GRIP1: variants seen among roughly 807,000 people sequenced by gnomAD.
GRIP1 encodes the protein glutamate receptor interacting protein 1.
GRIP1 carries 45 observed loss-of-function variants against 129.9 expected under a neutral mutation model. The ratio of observed to expected loss-of-function variants is 0.35; its 90% CI spans 0.27 to 0.44. The LOEUF is 0.44. Ranked by LOEUF, GRIP1 falls within the 20% of genes least tolerant of loss-of-function variation. GRIP1 has a pLI of 1.00. For missense variants in GRIP1, 1,196 were observed against 1,396.8 expected (o/e 0.86, Z 2.29); for synonymous variants, 530 against 520.8 (o/e 1.02, Z -0.24).
intron 1 of GRIP1, among the ~76,000 whole-genome samples, chr12:66,635,955 C>A (rs1371134941): frequency 1.3e-5 from 2 of 152,038 alleles, no homozygotes; most frequent in Non-Finnish European, 2.9e-5. Context: ...ATTTGTACAC[C>A]CGTGTTCATA....
intron 14 of GRIP1, among the ~76,000 whole-genome samples, chr12:66,430,859 T>C (rs2058126849): frequency 6.6e-6 from 1 of 152,296 alleles, no homozygotes. Flanking sequence ...AGGAAGCATC[T>C]AGAAGGACAG....
chr12:66,416,619 C>T (rs1257981915), intron 15 of GRIP1, among the ~76,000 whole-genome samples: 1 of 152,074 alleles, frequency 6.6e-6, no homozygotes, highest in African/African-American at 2.4e-5. Flanking sequence ...ATTAGTGGCT[C>T]CTATGAGCAA....
intron 5 of GRIP1, among the ~76,000 whole-genome samples, chr12:66,528,134 GTTTT>G (rs59443918): frequency 1.0e-5 from 1 of 99,242 alleles, no homozygotes; most frequent in Non-Finnish European, 1.9e-5. Context: ...GAATTAGTAG[GTTTT>G]TTTTTTTTTT....
chr12:66,938,754 C>G (rs1038910256), intron 1 of GRIP1, among the ~76,000 whole-genome samples: 6 of 151,962 alleles, frequency 3.9e-5, no homozygotes, highest in Non-Finnish European at 8.8e-5. Context: ...GTCAGGAGAT[C>G]AAGACCATCC....
chr12:66,689,902 A>ATTAT (rs1280689474), intron 1 of GRIP1, among the ~76,000 whole-genome samples: 1 of 151,924 alleles, frequency 6.6e-6, no homozygotes, highest in Non-Finnish European at 1.5e-5. Context: ...TAATTTTAAA[A>ATTAT]TTATTTATTT....
intron 1 of GRIP1, among the ~76,000 whole-genome samples, chr12:66,664,970 A>G: frequency 6.6e-6 from 1 of 152,204 alleles, no homozygotes; most frequent in African/African-American, 2.4e-5. Flanking sequence ...AAACTTCTGA[A>G]AATACCAGAA....
rs1565751885 is a variant in GRIP1, at chr12:66,451,383, G to GGTTTTTTTTTTTTTTTTTTT, written c.1354+4025_1354+4026insAAAAAAAAAAAAAAAAAAAC. Among the ~76,000 whole-genome samples the GGTTTTTTTTTTTTTTTTTTT allele has an allele frequency of 4.7e-5, 2 of 42,650 alleles. 1 individual carries two copies. The allele number at this position is 42,650 out of a possible 152,430, so 28.0% of individuals were successfully genotyped here. ...CCCCAAAGATTTATTATTATAATCTGTTTTTTTTTTTTTTTTTTTTTTTTT... is the reference window on the plus strand; with the variant it reads ...CCCCAAAGATTTATTATTATAATCTGGTTTTTTTTTTTTTTTTTTTTTTTTTTTTTTTTTTTTTTTTTTTT... On this transcript the variant is annotated intron_variant, in intron 11 of 24. Transcript: ENST00000359742.
At chr12:66,511,021 C>G (rs1263912979) in intron 7 of GRIP1, among the ~76,000 whole-genome samples, 1 of 152,070 alleles carries the variant, frequency 6.6e-6, no homozygotes, top group Non-Finnish European at 1.5e-5. Context: ...GGCTGTGTCC[C>G]CATCCAAATC....
intron 11 of GRIP1, among the ~76,000 whole-genome samples, chr12:66,454,518 G>A (rs2138221055): frequency 6.6e-6 from 1 of 152,304 alleles, no homozygotes; most frequent in East Asian, 1.9e-4. Flanking sequence ...ATATGATCAT[G>A]ATAAGAGAGA....
At chr12:66,444,809 A>T (rs2058575236) in intron 12 of GRIP1, 80 bp from the exon 13 acceptor site, 1 of 1,439,608 alleles carries the variant, frequency 6.9e-7, no homozygotes, top group Non-Finnish European at 9.8e-7. Flanking sequence ...ACCTTGCTTG[A>T]TCCTTGCAAA....
rs370062580 is a variant in GRIP1 at position 66,802,119 on chromosome 12, T to C, written c.-420+1934A>G. On this transcript the variant is annotated intron_variant, in intron 1 of 4. Transcript: ENST00000538373. ...AGCCAAAAGATGCACTGAGAAGTCA[T>C]TGTATTATATGACTTATCTTCTTTA... Among the ~76,000 whole-genome samples, 12 of 152,192 alleles carry C rather than the reference T, an allele frequency of 7.9e-5. No homozygotes were observed. In the South Asian group the frequency reaches 1.0e-3, roughly 13 times the overall value.
intron 14 of GRIP1, among the ~76,000 whole-genome samples, chr12:66,430,669 G>A (rs986891972): frequency 2.0e-5 from 3 of 152,156 alleles, no homozygotes; most frequent in African/African-American, 7.2e-5. Context: ...GGTATTTTTA[G>A]ATGGATACTT....
chr12:66,453,492 C>A (rs1298237164), intron 11 of GRIP1, among the ~76,000 whole-genome samples: 1 of 152,172 alleles, frequency 6.6e-6, no homozygotes, highest in Non-Finnish European at 1.5e-5. Context: ...CCAAAATGTA[C>A]CCCTCGTTAA....
chr12:67,063,376 A>T (rs1272545105), intron 1 of GRIP1, among the ~76,000 whole-genome samples: 1 of 152,200 alleles, frequency 6.6e-6, no homozygotes, highest in African/African-American at 2.4e-5. Flanking sequence ...TACTTGAAGA[A>T]CACTAATTTT....
chr12:66,722,158 T>A (rs919109515), intron 1 of GRIP1, among the ~76,000 whole-genome samples: 5 of 152,210 alleles, frequency 3.3e-5, no homozygotes, highest in African/African-American at 1.2e-4. Context: ...GGTTAACTAT[T>A]TGGCGAAAGA....
chr12:66,539,544 G>A (rs1248722103), intron 3 of GRIP1, among the ~76,000 whole-genome samples: 1 of 67,668 alleles, frequency 1.5e-5, no homozygotes, highest in East Asian at 3.8e-4. Context: ...ATCAAGAGAA[G>A]CTTTTTTTTT....
intron 1 of GRIP1, among the ~76,000 whole-genome samples, chr12:66,940,553 G>A (rs2041568446): frequency 6.6e-6 from 1 of 152,100 alleles, no homozygotes; most frequent in Non-Finnish European, 1.5e-5. Flanking sequence ...CATATACTAT[G>A]TATTAAAATG....
intron 1 of GRIP1, among the ~76,000 whole-genome samples, chr12:66,935,238 T>C (rs2041465514): frequency 6.6e-6 from 1 of 152,172 alleles, no homozygotes; most frequent in Non-Finnish European, 1.5e-5. Context: ...GTTTGTTGTA[T>C]AAATAATGTG....
intron 2 of GRIP1, among the ~76,000 whole-genome samples, chr12:66,581,653 A>G (rs1242579422): frequency 5.9e-5 from 9 of 151,996 alleles, no homozygotes; most frequent in Admixed American, 5.9e-4. Flanking sequence ...TAGAAAATCT[A>G]GAAGAAATGG....
Sources: gnomAD v4.1 joint callset for allele counts (sites outside exome capture counted in the v4.1 genomes callset) on GRCh38, gnomAD v4.1.1 for gene constraint, MANE v1.5 for transcripts, NCBI Gene and HGNC (gene_info 2026-07-23, HGNC 2026-07-21) for gene names.